The following HERC1 variants were observed in gnomAD, a reference collection of about 807,000 sequenced individuals.
The protein encoded by HERC1 is probable E3 ubiquitin-protein ligase HERC1.
Under a neutral mutation model 554.3 loss-of-function variants are expected in HERC1, and 160 were observed. That is an observed-to-expected ratio of 0.29 (90% confidence interval 0.25 to 0.33). The LOEUF (loss-of-function observed/expected upper bound fraction) is 0.33, where lower values mean the gene tolerates loss of function less well. Ranked by LOEUF, HERC1 falls within the 10% of genes least tolerant of loss-of-function variation. The pLI is 1.00. For synonymous variants in HERC1, 2,175 were observed against 2,131.7 expected (o/e 1.02, Z -0.56); for missense variants, 4,919 against 5,918.5 (o/e 0.83, Z 5.54).
At chr15:63,817,952 A>G (rs1445155010) in intron 1 of HERC1, among the ~76,000 whole-genome samples, 1 of 152,206 alleles carries the variant, frequency 6.6e-6, no homozygotes, top group African/African-American at 2.4e-5. Flanking sequence ...ACCTATTCCC[A>G]TAATAGATTA....
In HERC1 at chr15:63,637,532, C is replaced by T; in HGVS notation, c.12205G>A (p.Val4069Met). The T allele has an allele frequency of 6.4e-7, 1 of 1,567,276 alleles. No individual in the cohort carries two copies. The highest frequency in any genetic ancestry group is 8.7e-7 in the Non-Finnish European group (1 of 1,154,364). The stretch of plus-strand genomic sequence containing the variant: ...TGTAAGGCTGAAATAACTGTCAGCA[C>T]ATGAAGGTCATCTGAATTTCCTTGT... ...LGQGNSDDLH[V>M]LTVISALQGF... Residue 4069 changes from valine (V) to methionine (M), a missense_variant, in exon 64 of 78, where the codon GTG becomes ATG. By Grantham distance (21) the Val-to-Met change is conservative. Transcript: ENST00000443617.
chr15:63,647,972 T>G (rs1000021799), intron 55 of HERC1, 97 bp downstream of exon 55: 39 of 929,976 alleles, frequency 4.2e-5, no homozygotes, highest in Non-Finnish European at 6.4e-5. Context: ...GGGTGATGGA[T>G]ATCTTAAAAT....
In HERC1 at chr15:63,709,163, A is replaced by T. The variant is rs180976351; in HGVS notation, c.4585-2332T>A. Among the ~76,000 whole-genome samples, 32 of 150,240 alleles carry T rather than the reference A, an allele frequency of 2.1e-4. No homozygotes were observed. In the Middle Eastern group the frequency reaches 0.01, roughly 48 times the overall value. ...CACAACACCCAGCTAATATATATAT[A>T]TATTTTTTATTTTTTTGTAAAGACA... On this transcript the variant is annotated intron_variant, in intron 24 of 77. Transcript: ENST00000443617.
At chr15:63,626,629 CAT>C (rs2068311670) in intron 70 of HERC1, among the ~76,000 whole-genome samples, 1 of 152,128 alleles carries the variant, frequency 6.6e-6, no homozygotes, top group South Asian at 2.1e-4. Flanking sequence ...ATGACAGAAA[CAT>C]ATAGGTGCAT....
chr15:63,696,342 T>G lies in HERC1; in HGVS notation c.4906-3A>C. The G allele has an allele frequency of 6.2e-7, 1 of 1,601,138 alleles. No individual in the cohort carries two copies. Among genetic ancestry groups the G allele is most frequent in the Non-Finnish European group, 8.5e-7 (1 of 1,172,730 alleles). The stretch of plus-strand genomic sequence containing the variant: ...TGATGAAGTGCCTCTAAACGAAGCT[T>G]GAGGAAAAAAACATATTTTAGAGTT... On this transcript the variant is annotated splice_polypyrimidine_tract_variant and splice_region_variant and intron_variant, in intron 26 of 77. Transcript: ENST00000443617.
chr15:63,659,920 C>T lies in HERC1; in HGVS notation c.9240G>A (p.Leu3080=). The part of the protein sequence containing the change: ...DSVYEEDWDM[L]DVDEDEKLTG... ...TTAGCTTTTCATCTTCATCAACATC[C>T]AACATGTCCCAGTCTTCTGGAATTT... The change falls in exon 47 of 78, where the codon TTG becomes TTA. Residue 3080 remains leucine, a synonymous_variant. Coordinates refer to ENST00000443617, the MANE Select transcript of HERC1 (RefSeq NM_003922.4). The T allele has an allele frequency of 1.2e-6, 2 of 1,609,840 alleles. No individual in the cohort carries two copies. Among genetic ancestry groups the T allele is most frequent in the Non-Finnish European group, 1.7e-6 (2 of 1,176,334 alleles).
At chr15:63,715,966 G>A (rs990585799) in intron 22 of HERC1, among the ~76,000 whole-genome samples, 1 of 152,110 alleles carries the variant, frequency 6.6e-6, no homozygotes, top group Admixed American at 6.5e-5. Context: ...AGACGTCTTC[G>A]AGGCTGGTGG....
At position 63,756,252 on chromosome 15, in the gene HERC1, T is replaced by C. The variant is rs147237027; in HGVS notation, c.1533+185A>G. Among the ~76,000 whole-genome samples, 3,476 of 119,850 alleles carry C rather than the reference T, an allele frequency of 0.029. 69 individuals carry two copies. The highest frequency in any genetic ancestry group is 0.042 in the Non-Finnish European group (2,122 of 50,726). The allele number at this position is 119,850 out of a possible 152,430, so 78.6% of individuals were successfully genotyped here. ...TACCTTACAAGAATAATTATAAGAA[T>C]ATAAGAATTAAAATTCAATAATGTA... On this transcript the variant is annotated intron_variant, in intron 5 of 77. Transcript: ENST00000443617. The surrounding 1 kb of genome is among the most constrained non-coding windows in gnomAD (Gnocchi z 5.0).
intron 2 of HERC1, among the ~76,000 whole-genome samples, chr15:63,774,451 CAT>C (rs1483736197): frequency 6.6e-6 from 1 of 152,130 alleles, no homozygotes; most frequent in African/African-American, 2.4e-5. Flanking sequence ...CCCTAGTTCA[CAT>C]GAGAATCCAC....
At position 63,756,340 on chromosome 15, in the gene HERC1, G is replaced by A. The variant is rs182903367; in HGVS notation, c.1533+97C>T. On this transcript the variant is annotated intron_variant, in intron 5 of 77. Transcript: ENST00000443617. The surrounding 1 kb of genome is among the most constrained non-coding windows in gnomAD (Gnocchi z 5.0). Reference sequence around the variant, plus strand: ...AAAGATTAAGCCAAAGGGTTGAAGGGGCAACTGCAGAAAGAACACATCAAA... The same window carrying A: ...AAAGATTAAGCCAAAGGGTTGAAGGAGCAACTGCAGAAAGAACACATCAAA... 3 of 981,732 alleles carry A rather than the reference G, an allele frequency of 3.1e-6. No individual in the cohort carries two copies. Among genetic ancestry groups the A allele is most frequent in the Non-Finnish European group, 4.7e-6 (3 of 644,516 alleles). 60.8% of individuals were successfully genotyped at this position (981,732 alleles called of 1,614,324 possible).
In HERC1 at chr15:63,677,978, C is replaced by T; in HGVS notation, c.6937G>A (p.Val2313Ile). The change falls in exon 37 of 78, where the codon GTT becomes ATT. Residue 2313 changes from valine (V) to isoleucine (I), a missense_variant. Around this residue, in one of 11 missense-constraint regions of HERC1, gnomAD observed 1,963 missense variants for 2,228.6 expected, o/e 0.88. Coordinates refer to ENST00000443617, the MANE Select transcript of HERC1 (RefSeq NM_003922.4). This position sits in a 1 kb window ranked among gnomAD's most constrained non-coding sequence, Gnocchi z 4.4. Reference sequence around the variant, plus strand: ...CCTCCAACTCTAAGACCAGCATCAACTCCTCCTATCACAGCCAGCACGGGC... The same window carrying T: ...CCTCCAACTCTAAGACCAGCATCAATTCCTCCTATCACAGCCAGCACGGGC... ...VWPVLAVIGG[V>I]DAGLRVGGRC... 3 of 1,614,026 alleles carry T rather than the reference C, an allele frequency of 1.9e-6. No individual in the cohort carries two copies. The highest frequency in any genetic ancestry group is 2.5e-6 in the Non-Finnish European group (3 of 1,179,898).
Position 63,625,909 on chromosome 15 carries a change from G to A in HERC1, c.13275+76C>T, listed in dbSNP as rs1239351824. The stretch of plus-strand genomic sequence containing the variant: ...TCCAAAGGCAGAGGGAAAGGCCCTG[G>A]GGCCTGGCGAGCATGTCACGGGCAC... On this transcript the variant is annotated intron_variant, in intron 71 of 77. Coordinates refer to ENST00000443617, the MANE Select transcript of HERC1 (RefSeq NM_003922.4). 4.1e-6 allele frequency: 6 copies of A among 1,457,894 alleles called. No individual in the cohort carries two copies. In the African/African-American group the frequency reaches 5.6e-5, roughly 14 times the overall value. 90.3% of individuals were successfully genotyped at this position (1,457,894 alleles called of 1,614,324 possible).
chr15:63,613,245 G>A (rs965405590), intron 76 of HERC1, among the ~76,000 whole-genome samples: 22 of 152,188 alleles, frequency 1.4e-4, no homozygotes, highest in African/African-American at 4.3e-4. Flanking sequence ...AACTGTATAT[G>A]AGTAACTACA....
chr15:63,672,525 G>A lies in HERC1; in HGVS notation c.8016C>T (p.Ser2672=). The change falls in exon 39 of 78, where the codon TCC becomes TCT. Residue 2672 remains serine, a synonymous_variant. Transcript: ENST00000443617. ...TDTETVPASE[S]PGVMPLSLLR... Reference sequence around the variant, plus strand: ...GAAGACTAAGAGGCATCACTCCCGGGGACTCGGATGCAGGCACTGTTTCTG... The same window carrying A: ...GAAGACTAAGAGGCATCACTCCCGGAGACTCGGATGCAGGCACTGTTTCTG... 1.2e-6 allele frequency: 2 copies of A among 1,603,270 alleles called. No homozygotes were observed. Among genetic ancestry groups the A allele is most frequent in the Non-Finnish European group, 1.7e-6 (2 of 1,174,770 alleles).
In HERC1 at chr15:63,664,074, GC is replaced by G. The variant is rs373964013; in HGVS notation, c.8680+395del. Among the ~76,000 whole-genome samples the G allele has an allele frequency of 7.2e-5, 11 of 152,354 alleles. No individual in the cohort carries two copies. The East Asian group carries it at 1.5e-3, about 21-fold the overall frequency. ...GCAGTGAAGCCCTAACAACCACAGA[GC>G]AGTACATCAGAAAAGCCAGGGCCTA... On this transcript the variant is annotated intron_variant, in intron 43 of 77. Coordinates refer to ENST00000443617, the MANE Select transcript of HERC1 (RefSeq NM_003922.4).
chr15:63,666,038 A>G lies in HERC1; in HGVS notation c.8436T>C (p.Ser2812=), dbSNP rs761508786. The stretch of plus-strand genomic sequence containing the variant: ...TGCCTAGAACGGCTGCTCCAGGCCT[A>G]GAGTCTGCTGTGCTGCCCGACTGGG... ...EEPQSGSTAD[S]RPGAAVLGSG... The change falls in exon 42 of 78, where the codon TCT becomes TCC. Residue 2812 remains serine (S), a synonymous_variant. Transcript: ENST00000443617. The G allele has an allele frequency of 2.0e-5, 33 of 1,613,980 alleles. No homozygotes were observed. The South Asian group carries it at 3.4e-4, about 17-fold the overall frequency.
At chr15:63,704,154 C>CA (rs1265024345) in intron 25 of HERC1, among the ~76,000 whole-genome samples, 2 of 151,840 alleles carry the variant, frequency 1.3e-5, no homozygotes, top group Non-Finnish European at 2.9e-5. Flanking sequence ...AAAAGCAAAA[C>CA]AAAAAAACCC....
intron 2 of HERC1, among the ~76,000 whole-genome samples, chr15:63,767,532 A>C (rs1030661082): frequency 2.0e-5 from 3 of 152,040 alleles, no homozygotes; most frequent in African/African-American, 7.2e-5. Context: ...CCCCATCTCT[A>C]CTAAAAATAC....
Position 63,733,162 on chromosome 15 carries a change from T to C in HERC1, c.2647-17A>G, listed in dbSNP as rs770986235. The C allele has an allele frequency of 2.0e-6, 3 of 1,534,466 alleles. No individual in the cohort carries two copies. Among genetic ancestry groups the C allele is most frequent in the Admixed American group, 1.7e-5 (1 of 59,872 alleles). ...TTGCATTCTCTAAAGAACAATAAAA[T>C]AGGAACAAGTAACTAGCGTAATATG... On this transcript the variant is annotated splice_polypyrimidine_tract_variant and intron_variant, in intron 13 of 77. Transcript: ENST00000443617.
Sources: gnomAD v4.1 joint callset for allele counts (sites outside exome capture counted in the v4.1 genomes callset) on GRCh38, gnomAD v4.1.1 for gene constraint, gnomAD v4.1.1 regional missense constraint, Gnocchi (gnomAD v3.1) non-coding constraint, MANE v1.5 for transcripts, NCBI Gene and HGNC (gene_info 2026-07-23, HGNC 2026-07-21) for gene names.